Variants in HMGCLL1 observed in about 807,000 individuals in gnomAD.
HMGCLL1 encodes the protein 3-hydroxy-3-methylglutaryl-CoA lyase like 1.
In HMGCLL1, 36 loss-of-function variants were observed where a neutral mutation model predicts 39.1. That is an observed-to-expected ratio of 0.92 (90% CI 0.71 to 1.22). The LOEUF (loss-of-function observed/expected upper bound fraction) is 1.22, where lower values mean the gene tolerates loss of function less well. HMGCLL1 is among the 50% of genes most tolerant of loss of function. The pLI is 0.00. For missense variants in HMGCLL1, 451 were observed against 416.5 expected (o/e 1.08, Z -0.72); for synonymous variants, 149 against 144.0 (o/e 1.03, Z -0.25).
chr6:55,650,055 G>T, the HMGCLL1 span, among the ~76,000 whole-genome samples: 1 of 64,774 alleles, frequency 1.5e-5, no homozygotes, highest in Non-Finnish European at 3.1e-5. Flanking sequence ...CTGTCTGAAA[G>T]GTTATATATA....
At chr6:55,479,303 C>T (rs969631860) in intron 7 of HMGCLL1, among the ~76,000 whole-genome samples, 2 of 151,542 alleles carry the variant, frequency 1.3e-5, no homozygotes, top group African/African-American at 4.9e-5. Context: ...GTTTTCTTAA[C>T]CACAACACTT....
Position 55,485,381 on chromosome 6 carries a change from A to G in HMGCLL1, c.795+10038T>C, listed in dbSNP as rs542077535. 2.0e-5 allele frequency among the ~76,000 whole-genome samples: 3 copies of G among 152,182 alleles called. No individual in the cohort carries two copies. The South Asian group carries it at 6.2e-4, about 32-fold the overall frequency. Reference sequence around the variant, plus strand: ...AGAATGAGCTACTTGAAGACATGACAATGCTTTTTATCGTGGCTGTGTGCC... The same window carrying G: ...AGAATGAGCTACTTGAAGACATGACGATGCTTTTTATCGTGGCTGTGTGCC... On this transcript the variant is annotated intron_variant, in intron 7 of 8. Transcript: ENST00000274901.
chr6:55,582,745 T>C (rs919290262), upstream of HMGCLL1, among the ~76,000 whole-genome samples: 2 of 152,176 alleles, frequency 1.3e-5, no homozygotes, highest in South Asian at 4.1e-4. Context: ...AACATTTTAA[T>C]ACATTTTATT....
the HMGCLL1 span, among the ~76,000 whole-genome samples, chr6:55,666,843 C>T: frequency 0.055 from 8,334 of 151,712 alleles, 387 homozygotes; most frequent in Non-Finnish European, 0.077. Context: ...CATCCCTTAA[C>T]CAGACATGGG....
At chr6:55,463,823 T>G (rs1764687035) in intron 7 of HMGCLL1, among the ~76,000 whole-genome samples, 2 of 152,202 alleles carry the variant, frequency 1.3e-5, no homozygotes, top group South Asian at 4.1e-4. Context: ...TGGGATATAC[T>G]TTCAGAATAA....
intron 3 of HMGCLL1, among the ~76,000 whole-genome samples, chr6:55,525,261 G>C (rs1581897966): frequency 6.6e-6 from 1 of 151,800 alleles, no homozygotes; most frequent in African/African-American, 2.4e-5. Context: ...GGATCACTTA[G>C]AGATCCTCTA....
At chr6:55,569,870 A>C (rs2127475379) in intron 1 of HMGCLL1, among the ~76,000 whole-genome samples, 1 of 152,336 alleles carries the variant, frequency 6.6e-6, no homozygotes, top group Non-Finnish European at 1.5e-5. Flanking sequence ...CTCAGCATGC[A>C]CTAGTCAGCC....
chr6:55,450,531 G>A (rs1238467066), intron 7 of HMGCLL1, among the ~76,000 whole-genome samples: 1 of 152,198 alleles, frequency 6.6e-6, no homozygotes, highest in African/African-American at 2.4e-5. Flanking sequence ...TTATCACATA[G>A]GTTGGCACAT....
At chr6:55,543,738 G>T (rs1016672702) in intron 1 of HMGCLL1, among the ~76,000 whole-genome samples, 1 of 151,010 alleles carries the variant, frequency 6.6e-6, no homozygotes, top group Non-Finnish European at 1.5e-5. Context: ...TGGGGGTGGT[G>T]TATCCTAAAG....
In HMGCLL1 at chr6:55,560,645, T is replaced by C. The variant is rs147805518; in HGVS notation, c.108+18303A>G. Among the ~76,000 whole-genome samples the C allele has an allele frequency of 6.2e-4, 94 of 152,264 alleles. 1 individual carries two copies. The highest frequency in any genetic ancestry group is 1.0e-3 in the Admixed American group (16 of 15,280). On this transcript the variant is annotated intron_variant, in intron 1 of 8. Coordinates refer to ENST00000274901, the MANE Select transcript of HMGCLL1 (RefSeq NM_001042406.2). ...GAAAAGTAAACCTTCCAATCACTTA[T>C]TGTTTCCTTCCAGATGCTGCTGTTG...
the HMGCLL1 span, among the ~76,000 whole-genome samples, chr6:55,647,876 G>A: frequency 8.6e-6 from 1 of 115,926 alleles, no homozygotes; most frequent in Non-Finnish European, 1.7e-5. Flanking sequence ...CCACTAATGT[G>A]TCATCTAGCA....
chr6:55,646,769 T>A, the HMGCLL1 span, among the ~76,000 whole-genome samples: 1 of 152,066 alleles, frequency 6.6e-6, no homozygotes, highest in Admixed American at 6.6e-5. Context: ...CTTGATATTA[T>A]TTCATTTTTT....
In HMGCLL1 at chr6:55,506,919, G is replaced by A. The variant is rs1767200376; in HGVS notation, c.542+7129C>T. 2.0e-5 allele frequency among the ~76,000 whole-genome samples: 3 copies of A among 151,682 alleles called. No individual in the cohort carries two copies. In the Admixed American group the frequency reaches 2.0e-4, roughly 10 times the overall value. ...AACTCCTATCAATAGAATTGTGAAG[G>A]AAAAAATAAATTCATGCTGGCTTTG... On this transcript the variant is annotated intron_variant, in intron 5 of 8. Transcript: ENST00000274901.
At chr6:55,631,425 C>A in the HMGCLL1 span, among the ~76,000 whole-genome samples, 4 of 152,036 alleles carry the variant, frequency 2.6e-5, no homozygotes, top group East Asian at 7.7e-4. Context: ...AACCCAGGAA[C>A]ATTTTCCCCA....
At chr6:55,498,185 A>G (rs1472956235) in intron 6 of HMGCLL1, among the ~76,000 whole-genome samples, 2 of 152,140 alleles carry the variant, frequency 1.3e-5, no homozygotes, top group Admixed American at 1.3e-4. Context: ...TGGTAAGCAA[A>G]GGTGGATCCA....
chr6:55,434,390 T>C lies in HMGCLL1; in HGVS notation c.*1272A>G, dbSNP rs769601622. On this transcript the variant is annotated 3_prime_UTR_variant, in exon 9 of 9. Coordinates refer to ENST00000274901, the MANE Select transcript of HMGCLL1 (RefSeq NM_001042406.2). ...AGTACTTCTTACTTTCTTGAATTTATTTTTATTTCAATGGTTTTAATGAAT... is the reference window on the plus strand; with the variant it reads ...AGTACTTCTTACTTTCTTGAATTTACTTTTATTTCAATGGTTTTAATGAAT... 35 of 152,106 alleles carry C rather than the reference T, an allele frequency of 2.3e-4. No homozygotes were observed. Among genetic ancestry groups the C allele is most frequent in the Non-Finnish European group, 4.1e-4 (28 of 67,994 alleles). The allele number at this position is 152,106 out of a possible 1,614,324, so 9.4% of individuals were successfully genotyped here.
At chr6:55,647,466 C>G in the HMGCLL1 span, among the ~76,000 whole-genome samples, 1 of 151,788 alleles carries the variant, frequency 6.6e-6, no homozygotes, top group African/African-American at 2.4e-5. Flanking sequence ...TTACAGTCTT[C>G]TCTTCCTTCT....
intron 7 of HMGCLL1, among the ~76,000 whole-genome samples, chr6:55,450,084 T>A (rs1764017272): frequency 6.6e-6 from 1 of 152,162 alleles, no homozygotes; most frequent in Non-Finnish European, 1.5e-5. Flanking sequence ...ACTCACTTTT[T>A]GGAGGTGGGA....
chr6:55,591,731 AG>A, the HMGCLL1 span, among the ~76,000 whole-genome samples: 1 of 151,444 alleles, frequency 6.6e-6, no homozygotes, highest in East Asian at 1.9e-4. Context: ...TCTTGCCAAA[AG>A]TTTCCCAGAG....
Sources: allele counts gnomAD v4.1 joint callset (sites outside exome capture counted in the v4.1 genomes callset), GRCh38; gene constraint gnomAD v4.1.1; transcripts MANE v1.5; gene names NCBI Gene and HGNC (gene_info 2026-07-23, HGNC 2026-07-21).